The following NBEA variants were observed in gnomAD, a reference collection of about 807,000 sequenced individuals.
NBEA encodes lysosomal-trafficking regulator 2.
A neutral mutation model predicts 343.4 loss-of-function variants in NBEA; 44 were observed. That is an observed-to-expected ratio of 0.13 (90% CI 0.10 to 0.16). NBEA has a LOEUF of 0.16. NBEA is among the 10% of genes least tolerant of loss of function. The pLI is 1.00. For missense variants in NBEA, 2,555 were observed against 3,631.3 expected (o/e 0.70, Z 7.62); for synonymous variants, 1,175 against 1,238.7 (o/e 0.95, Z 1.08).
At chr13:34,961,153 A>G (rs2059648615) in intron 1 of NBEA, among the ~76,000 whole-genome samples, 1 of 152,194 alleles carries the variant, frequency 6.6e-6, no homozygotes, top group African/African-American at 2.4e-5. Flanking sequence ...GTATGTAAAA[A>G]GATTAGAGCG....
At chr13:35,396,103 C>T (rs1018307585) in intron 38 of NBEA, among the ~76,000 whole-genome samples, 3 of 152,138 alleles carry the variant, frequency 2.0e-5, no homozygotes, top group Admixed American at 2.0e-4. Flanking sequence ...CTATGGTGCC[C>T]AGTCTGGCCT....
intron 39 of NBEA, among the ~76,000 whole-genome samples, chr13:35,445,797 T>TATAC (rs1555267145): frequency 7.5e-4 from 63 of 83,444 alleles, no homozygotes; most frequent in African/African-American, 2.1e-3. Flanking sequence ...TATATATATA[T>TATAC]ATATATATAT....
In NBEA at chr13:35,286,200, A is replaced by C. The variant is rs1180267051; in HGVS notation, c.5777-4189A>C. Among the ~76,000 whole-genome samples the C allele has an allele frequency of 3.9e-5, 6 of 152,174 alleles. No individual in the cohort carries two copies. The South Asian group carries it at 1.2e-3, about 32-fold the overall frequency. On this transcript the variant is annotated intron_variant, in intron 34 of 58. Coordinates refer to ENST00000379939, the MANE Select transcript of NBEA (RefSeq NM_001385012.1). ...CTTAGTACCTGCCATGGTGTCAGGC[A>C]CATTAGACAATATGTTTGGTAAATG...
At chr13:35,220,007 G>C (rs534195151) in intron 33 of NBEA, among the ~76,000 whole-genome samples, 1 of 152,076 alleles carries the variant, frequency 6.6e-6, no homozygotes, top group Non-Finnish European at 1.5e-5. Flanking sequence ...AATTAACCAC[G>C]ATGCTAGATC....
At chr13:35,063,071 ACTC>A (rs1207077193) in intron 8 of NBEA, among the ~76,000 whole-genome samples, 1 of 151,962 alleles carries the variant, frequency 6.6e-6, no homozygotes, top group Non-Finnish European at 1.5e-5. Flanking sequence ...TATGTTGTAG[ACTC>A]CTCTTTCAAA....
chr13:35,117,445 A>G lies in NBEA; in HGVS notation c.2034A>G (p.Ile678Met), dbSNP rs1315656409. 8.7e-6 allele frequency: 12 copies of G among 1,384,106 alleles called. No homozygotes were observed. Among genetic ancestry groups the G allele is most frequent in the African/African-American group, 1.5e-5 (1 of 67,950 alleles). 85.7% of individuals were successfully genotyped at this position (1,384,106 alleles called of 1,614,324 possible). A position where few individuals can be genotyped will look rare whatever the true frequency, so the allele number is the denominator to read the frequency against. ...CCCGGCCATCACAAAAAGAAATTAT[A>G]TCACTGAGGGCATTTATGCTACTTT... ...DGPRPSQKEIISLRAFMLLFL... is the reference protein window; with the variant it reads ...DGPRPSQKEIMSLRAFMLLFL... The change falls in exon 14 of 59, where the codon ATA (isoleucine) becomes ATG (methionine). Residue 678 changes from isoleucine to methionine, a missense_variant. This residue lies in a region of NBEA where 360 missense variants were observed against 519.1 expected (regional missense o/e 0.69). Transcript: ENST00000379939.
At chr13:35,624,868 TG>T (rs2083152144) in intron 48 of NBEA, among the ~76,000 whole-genome samples, 1 of 152,018 alleles carries the variant, frequency 6.6e-6, no homozygotes, top group African/African-American at 2.4e-5. Flanking sequence ...GGAAGGAGAC[TG>T]GGCTTCTATG....
intron 34 of NBEA, among the ~76,000 whole-genome samples, chr13:35,283,223 GA>G (rs1056621512): frequency 2.1e-4 from 32 of 151,906 alleles, no homozygotes; most frequent in Admixed American, 3.3e-4. Context: ...CTATAAAAAA[GA>G]AAAAATATTC....
intron 39 of NBEA, among the ~76,000 whole-genome samples, chr13:35,435,414 G>T (rs1298293191): frequency 6.6e-6 from 1 of 152,120 alleles, no homozygotes; most frequent in Non-Finnish European, 1.5e-5. Context: ...AGAGTTGGAG[G>T]GTTGATGGTA....
intron 38 of NBEA, among the ~76,000 whole-genome samples, chr13:35,369,951 T>C (rs2041335063): frequency 6.6e-6 from 1 of 152,006 alleles, no homozygotes; most frequent in Admixed American, 6.6e-5. Context: ...TAACATATAG[T>C]CAGTCTTGGA....
intron 1 of NBEA, among the ~76,000 whole-genome samples, chr13:34,946,907 AT>A (rs1566078705): frequency 6.6e-6 from 1 of 150,524 alleles, no homozygotes; most frequent in Non-Finnish European, 1.5e-5. Flanking sequence ...GTTTTTTTAA[AT>A]TTGCAGCTTG....
Position 35,159,898 on chromosome 13 carries a change from G to A in NBEA, c.3727G>A (p.Glu1243Lys). 6.3e-7 allele frequency: 1 copy of A among 1,599,342 alleles called. No homozygotes were observed. Among genetic ancestry groups the A allele is most frequent in the Non-Finnish European group, 8.5e-7 (1 of 1,172,164 alleles). ...TGCTGAAATGACTGCTACAACTCTG[G>A]AAACTGAGTCTTCTAGTAGCAAAAT... ...EYAEMTATTL[E>K]TESSSSKIVP... Residue 1243 changes from glutamate (E) to lysine (K), a missense_variant, in exon 22 of 59, where the codon GAA becomes AAA. Glu to Lys is a moderately conservative substitution (Grantham distance 56). Transcript: ENST00000379939.
intron 28 of NBEA, among the ~76,000 whole-genome samples, chr13:35,178,470 G>A (rs868166197): frequency 2.0e-5 from 3 of 151,344 alleles, no homozygotes; most frequent in East Asian, 1.9e-4. Flanking sequence ...TAATGACAAC[G>A]GAAAATGATC....
Position 35,232,566 on chromosome 13 carries a change from C to T in NBEA, c.5723C>T (p.Pro1908Leu). 2 of 1,558,170 alleles carry T rather than the reference C, an allele frequency of 1.3e-6. No homozygotes were observed. The highest frequency in any genetic ancestry group is 8.7e-7 in the Non-Finnish European group (1 of 1,148,932). Residue 1908 changes from proline (P) to leucine (L), a missense_variant, in exon 34 of 59, where the codon CCA becomes CTA. By Grantham distance (98) the Pro-to-Leu change is moderately conservative (BLOSUM62 -3). Transcript: ENST00000379939. Reference protein sequence around the residue: ...LLREIFVDFAPFLSRTLLGSH... With the variant: ...LLREIFVDFALFLSRTLLGSH... ...CGTGAAATTTTTGTAGACTTTGCCCCATTCCTATCTCGTACACTTCTTGGC... is the reference window on the plus strand; with the variant it reads ...CGTGAAATTTTTGTAGACTTTGCCCTATTCCTATCTCGTACACTTCTTGGC...
At chr13:35,430,084 T>C (rs575878124) in intron 38 of NBEA, among the ~76,000 whole-genome samples, 82 of 152,164 alleles carry the variant, frequency 5.4e-4, no homozygotes, top group Non-Finnish European at 9.0e-4. Flanking sequence ...CCACCAACAG[T>C]GTAAAATGTT....
At chr13:35,034,159 G>C (rs993636710) in intron 1 of NBEA, among the ~76,000 whole-genome samples, 1 of 151,750 alleles carries the variant, frequency 6.6e-6, no homozygotes, top group Non-Finnish European at 1.5e-5. Flanking sequence ...TGTAGTATAT[G>C]CTTTTTGTTG....
At chr13:35,086,375 A>T (rs2064762817) in intron 10 of NBEA, among the ~76,000 whole-genome samples, 1 of 151,968 alleles carries the variant, frequency 6.6e-6, no homozygotes, top group African/African-American at 2.4e-5. Flanking sequence ...ACTGATATTA[A>T]ACATGAGAAC....
chr13:35,219,199 GCCTTGCCTTCCTTGCCTT>G (rs1255234329), intron 33 of NBEA, among the ~76,000 whole-genome samples: 4 of 151,810 alleles, frequency 2.6e-5, no homozygotes, highest in Non-Finnish European at 4.4e-5. Context: ...CTGCCTTCCT[GCCTTGCCTTCCTTGCCTT>G]CCTTGCCTTC....
chr13:35,255,626 G>A (rs2032500463), intron 34 of NBEA, among the ~76,000 whole-genome samples: 1 of 152,234 alleles, frequency 6.6e-6, no homozygotes, highest in African/African-American at 2.4e-5. Flanking sequence ...GTCTGGATGA[G>A]GGCAAGATGA....
Sources: gnomAD v4.1 joint callset for allele counts (sites outside exome capture counted in the v4.1 genomes callset) on GRCh38, gnomAD v4.1.1 for gene constraint, gnomAD v4.1.1 regional missense constraint, MANE v1.5 for transcripts, NCBI Gene and HGNC (gene_info 2026-07-23, HGNC 2026-07-21) for gene names.